Variants in SV2C observed in about 807,000 individuals in gnomAD.
SV2C encodes the protein solute carrier family 22 member B3.
Under a neutral mutation model 79.7 loss-of-function variants are expected in SV2C, and 49 were observed. The ratio of observed to expected loss-of-function variants is 0.61; its 90% CI spans 0.49 to 0.78. The LOEUF is 0.78. SV2C is among the 30% of genes least tolerant of loss of function. The probability of loss-of-function intolerance (pLI) is 0.00; values close to 1 mark genes in which losing one functional copy is unlikely to be tolerated. For synonymous variants in SV2C, 334 were observed against 333.2 expected (o/e 1.00, Z -0.03); for missense variants, 833 against 912.9 (o/e 0.91, Z 1.13).
rs116316976 is a variant in SV2C, at chr5:76,084,362, T to C, written c.-102+850T>C. On this transcript the variant is annotated intron_variant, in intron 1 of 12. Coordinates refer to ENST00000502798, the MANE Select transcript of SV2C (RefSeq NM_014979.4). ...CAGCAAAAGCCATCAGCCGACCCTC[T>C]GACCCTTTCTCTTAGTGGGCTTTTC... Among the ~76,000 whole-genome samples, 1,264 of 152,270 alleles carry C rather than the reference T, an allele frequency of 8.3e-3. 22 individuals are homozygous for C. The highest frequency in any genetic ancestry group is 0.029 in the African/African-American group (1,205 of 41,552).
rs79621052 is a variant in SV2C at position 76,089,950 on chromosome 5, T to C, written c.-102+6438T>C. 7.7e-3 allele frequency among the ~76,000 whole-genome samples: 1,168 copies of C among 152,380 alleles called. 19 individuals carry two copies. The highest frequency in any genetic ancestry group is 0.027 in the African/African-American group (1,105 of 41,584). ...ATGTTACTTCATAGGCACTGTACTT[T>C]AAAAGGTATCTTTTCTTTTGTCTCC... On this transcript the variant is annotated intron_variant, in intron 1 of 12. Coordinates refer to ENST00000502798, the MANE Select transcript of SV2C (RefSeq NM_014979.4).
At chr5:75,963,308 T>A in the SV2C span, among the ~76,000 whole-genome samples, 1 of 152,176 alleles carries the variant, frequency 6.6e-6, no homozygotes, top group Admixed American at 6.5e-5. Flanking sequence ...TTTGCTTGAG[T>A]ACACTCACAA....
intron 2 of SV2C, among the ~76,000 whole-genome samples, chr5:76,165,571 A>G (rs1379120854): frequency 1.3e-5 from 2 of 152,168 alleles, no homozygotes; most frequent in African/African-American, 4.8e-5. Context: ...TCATTTTGAG[A>G]ATGTTATAGA....
chr5:76,053,107 T>C, the SV2C span, among the ~76,000 whole-genome samples: 4 of 100,394 alleles, frequency 4.0e-5, no homozygotes, highest in African/African-American at 6.4e-5. Flanking sequence ...TTTTTCAATA[T>C]GGGCCAAAAA....
the SV2C span, among the ~76,000 whole-genome samples, chr5:75,852,297 A>T: frequency 6.6e-6 from 1 of 152,232 alleles, no homozygotes; most frequent in African/African-American, 2.4e-5. Flanking sequence ...CATGTACCCC[A>T]GAACTTAAAG....
intron 12 of SV2C, among the ~76,000 whole-genome samples, chr5:76,351,310 C>A (rs761732847): frequency 6.6e-6 from 1 of 151,822 alleles, no homozygotes; most frequent in Non-Finnish European, 1.5e-5. Flanking sequence ...TAGCCAGGCA[C>A]GGTGACGTGC....
At chr5:76,071,786 G>A in the SV2C span, among the ~76,000 whole-genome samples, 1 of 152,178 alleles carries the variant, frequency 6.6e-6, no homozygotes, top group Non-Finnish European at 1.5e-5. Flanking sequence ...CACTAATTTG[G>A]AGCAGGAAGA....
chr5:76,339,927 G>A (rs1304484988), intron 12 of SV2C, among the ~76,000 whole-genome samples: 2 of 152,064 alleles, frequency 1.3e-5, no homozygotes, highest in African/African-American at 2.4e-5. Flanking sequence ...GGCATTCTAA[G>A]TCACAGGATG....
At chr5:75,856,473 A>T in the SV2C span, among the ~76,000 whole-genome samples, 2 of 152,100 alleles carry the variant, frequency 1.3e-5, no homozygotes, top group Non-Finnish European at 2.9e-5. Context: ...TGTCTTTTGG[A>T]TATAAGCCAT....
chr5:76,241,407 G>T (rs1484685638), intron 4 of SV2C, among the ~76,000 whole-genome samples: 3 of 152,092 alleles, frequency 2.0e-5, no homozygotes, highest in Non-Finnish European at 4.4e-5. Flanking sequence ...TAGAGTGAGG[G>T]TTGACATTTC....
intron 2 of SV2C, among the ~76,000 whole-genome samples, chr5:76,146,796 TTAAAAAAAAAAAAA>T (rs1749443344): frequency 3.0e-5 from 2 of 67,102 alleles, no homozygotes; most frequent in South Asian, 1.2e-3. Context: ...GAGTTTTTTT[TTAAAAAAAAAAAAA>T]AAAAAAAAAA....
At chr5:75,991,879 T>A in the SV2C span, among the ~76,000 whole-genome samples, 1 of 151,790 alleles carries the variant, frequency 6.6e-6, no homozygotes, top group African/African-American at 2.4e-5. Context: ...CTTATTCTGG[T>A]GTTAGTTTCT....
the SV2C span, among the ~76,000 whole-genome samples, chr5:75,949,405 G>A: frequency 1.3e-5 from 2 of 152,058 alleles, no homozygotes; most frequent in Non-Finnish European, 2.9e-5. Context: ...CTAAAGGAGA[G>A]TAGGGGCAAA....
intron 4 of SV2C, among the ~76,000 whole-genome samples, chr5:76,231,810 G>A (rs1745432292): frequency 6.8e-6 from 1 of 146,028 alleles, no homozygotes; most frequent in Non-Finnish European, 1.5e-5. Flanking sequence ...GTGTATATGT[G>A]CCACATTTTC....
intron 4 of SV2C, among the ~76,000 whole-genome samples, chr5:76,223,471 ATATATATATATATATATATATATATG>A (rs1223365767): frequency 0.057 from 4,493 of 79,310 alleles, 242 homozygotes; most frequent in African/African-American, 0.15. Flanking sequence ...ATATATATAT[ATATATATATATATATATATATATATG>A]TATATGTATA....
At chr5:76,022,514 A>G in the SV2C span, among the ~76,000 whole-genome samples, 1 of 152,176 alleles carries the variant, frequency 6.6e-6, no homozygotes, top group Non-Finnish European at 1.5e-5. Context: ...GGGAAACTTC[A>G]TCTTCCTTCA....
chr5:76,090,873 C>T (rs906462541), intron 1 of SV2C, among the ~76,000 whole-genome samples: 7 of 152,166 alleles, frequency 4.6e-5, no homozygotes, highest in Non-Finnish European at 1.0e-4. Context: ...AGTCACGCAG[C>T]ACGGAAGTTT....
chr5:75,861,221 A>G, the SV2C span, among the ~76,000 whole-genome samples: 1 of 152,260 alleles, frequency 6.6e-6, no homozygotes, highest in Non-Finnish European at 1.5e-5. Flanking sequence ...GCTAACAAAC[A>G]TGAAAAAATG....
At chr5:76,066,005 C>G in the SV2C span, among the ~76,000 whole-genome samples, 8 of 152,088 alleles carry the variant, frequency 5.3e-5, no homozygotes, top group Non-Finnish European at 1.0e-4. Context: ...CCAGTTTAAA[C>G]CACTTTCAGG....
Sources: allele counts gnomAD v4.1 joint callset (sites outside exome capture counted in the v4.1 genomes callset), GRCh38; gene constraint gnomAD v4.1.1; transcripts MANE v1.5; gene names NCBI Gene and HGNC (gene_info 2026-07-23, HGNC 2026-07-21).